The following ABHD2 variants were observed in gnomAD, a reference collection of about 807,000 sequenced individuals.
The protein encoded by ABHD2 is abhydrolase domain containing 2, acylglycerol lipase, also known as monoacylglycerol lipase ABHD2.
A neutral mutation model predicts 48.1 loss-of-function variants in ABHD2; 20 were observed. That is an observed-to-expected ratio of 0.42 (90% CI 0.29 to 0.60). The LOEUF (loss-of-function observed/expected upper bound fraction) is 0.60. ABHD2 is among the 20% of genes least tolerant of loss of function. ABHD2 has a pLI of 0.24. For missense variants in ABHD2, 405 were observed against 550.9 expected, an observed-to-expected ratio of 0.74 and a Z score of 2.65; for synonymous variants, 209 against 214.2, an observed-to-expected ratio of 0.98 and a Z score of 0.21.
chr15:89,154,280 A>G (rs1432675933), intron 4 of ABHD2, among the ~76,000 whole-genome samples: 1 of 152,232 alleles, frequency 6.6e-6, no homozygotes, highest in Non-Finnish European at 1.5e-5. Flanking sequence ...TTCTTTATGC[A>G]TATTGGAAAA....
chr15:89,135,554 C>G (rs2050294635), intron 3 of ABHD2: 1 of 1,446,342 alleles, frequency 6.9e-7, no homozygotes, highest in Admixed American at 1.8e-5. Context: ...TATTCATCAT[C>G]ATCTTCATCT....
intron 5 of ABHD2, among the ~76,000 whole-genome samples, chr15:89,165,112 A>T (rs2050818192): frequency 6.6e-6 from 1 of 152,182 alleles, no homozygotes; most frequent in Non-Finnish European, 1.5e-5. Context: ...ATTATTCTGC[A>T]GTATGCAATG....
intron 5 of ABHD2, among the ~76,000 whole-genome samples, chr15:89,157,050 ACT>A (rs1473822998): frequency 6.6e-6 from 1 of 152,092 alleles, no homozygotes; most frequent in African/African-American, 2.4e-5. Flanking sequence ...TATTTAAATA[ACT>A]CTATATTCAC....
chr15:89,120,550 A>G lies in ABHD2; in HGVS notation c.194+4029A>G, dbSNP rs764627704. On this transcript the variant is annotated intron_variant, in intron 3 of 10. Coordinates refer to ENST00000352732, the MANE Select transcript of ABHD2 (RefSeq NM_152924.5). The surrounding 1 kb of genome is among the most constrained non-coding windows in gnomAD (Gnocchi z 4.2). ...GCTGGAGTACAGTGGCGCAATCTCA[A>G]ATCTCGGTTCACTGCAACTTCTGCC... Among the ~76,000 whole-genome samples the G allele has an allele frequency of 9.9e-5, 15 of 152,018 alleles. No individual in the cohort carries two copies. The highest frequency in any genetic ancestry group is 1.9e-4 in the Non-Finnish European group (13 of 67,990).
In ABHD2 at chr15:89,186,607, G is replaced by C. The variant is rs953355801; in HGVS notation, c.815+1091G>C. On this transcript the variant is annotated intron_variant, in intron 7 of 10. Transcript: ENST00000352732. The surrounding 1 kb of genome is among the most constrained non-coding windows in gnomAD (Gnocchi z 4.3). Reference sequence around the variant, plus strand: ...GTGAAGCCAACTCATCCATGCCCAAGTTGCTTTTCTTTTGCTTCCCCTCTG... The same window carrying C: ...GTGAAGCCAACTCATCCATGCCCAACTTGCTTTTCTTTTGCTTCCCCTCTG... 1.7e-4 allele frequency among the ~76,000 whole-genome samples: 26 copies of C among 152,086 alleles called. No homozygotes were observed. Among genetic ancestry groups the C allele is most frequent in the African/African-American group, 6.3e-4 (26 of 41,402 alleles).
chr15:89,046,649 T>C, the ABHD2 span, among the ~76,000 whole-genome samples: 1 of 152,210 alleles, frequency 6.6e-6, no homozygotes, highest in African/African-American at 2.4e-5. Context: ...TCGAGGAATT[T>C]ATCCATTTCT....
At chr15:89,135,511 T>C (rs2050293602) in intron 3 of ABHD2, 2 of 1,078,952 alleles carry the variant, frequency 1.9e-6, no homozygotes, top group African/African-American at 1.5e-5. Flanking sequence ...AAATGCTTTA[T>C]AGACGAGAAA....
At chr15:89,052,724 G>A in the ABHD2 span, among the ~76,000 whole-genome samples, 1 of 152,082 alleles carries the variant, frequency 6.6e-6, no homozygotes. Flanking sequence ...TCACAGGGAG[G>A]CCATCCAGCC....
chr15:89,096,144 T>C (rs948664450), intron 1 of ABHD2, among the ~76,000 whole-genome samples: 1 of 152,204 alleles, frequency 6.6e-6, no homozygotes, highest in Admixed American at 6.5e-5. Context: ...GCTCTCGGGA[T>C]CCATAGAACC....
At chr15:89,129,716 C>T (rs62020261) in intron 3 of ABHD2, among the ~76,000 whole-genome samples, 5,718 of 151,974 alleles carry the variant, frequency 0.038, 163 homozygotes, top group Non-Finnish European at 0.058. Flanking sequence ...CCAGTGGCTT[C>T]ACCTTGCCGA....
At chr15:89,042,148 A>G in the ABHD2 span, among the ~76,000 whole-genome samples, 3 of 152,174 alleles carry the variant, frequency 2.0e-5, no homozygotes. Flanking sequence ...TCTCCACATC[A>G]TAGCTGAGGA....
Position 89,185,360 on chromosome 15 carries a change from C to T in ABHD2, c.723-64C>T. On this transcript the variant is annotated intron_variant, in intron 6 of 10. Coordinates refer to ENST00000352732, the MANE Select transcript of ABHD2 (RefSeq NM_152924.5). The surrounding 1 kb of genome is among the most constrained non-coding windows in gnomAD (Gnocchi z 5.9). The stretch of plus-strand genomic sequence containing the variant: ...AGCACCTCACCCCATGGCTAGAGCC[C>T]CCTCCTGGCTGCCCGCCTGCACCCC... 7.4e-7 allele frequency: 1 copy of T among 1,356,226 alleles called. No homozygotes were observed. The highest frequency in any genetic ancestry group is 1.1e-6 in the Non-Finnish European group (1 of 950,944). 84.0% of individuals were successfully genotyped at this position (1,356,226 alleles called of 1,614,324 possible). A position where few individuals can be genotyped will look rare whatever the true frequency, so the allele number is the denominator to read the frequency against.
At chr15:89,060,083 C>CTTTT in the ABHD2 span, among the ~76,000 whole-genome samples, 33 of 77,602 alleles carry the variant, frequency 4.3e-4, no homozygotes, top group African/African-American at 1.2e-3. Flanking sequence ...ACTCCAAGGC[C>CTTTT]TTTTTTTTTT....
the ABHD2 span, among the ~76,000 whole-genome samples, chr15:89,043,035 C>G: frequency 6.6e-6 from 1 of 151,978 alleles, no homozygotes; most frequent in African/African-American, 2.4e-5. Context: ...CACGGCTTGC[C>G]GTAATCTGCT....
the ABHD2 span, among the ~76,000 whole-genome samples, chr15:89,048,436 C>T: frequency 2.0e-5 from 3 of 150,438 alleles, no homozygotes; most frequent in Non-Finnish European, 3.0e-5. Context: ...TGAATCTGAA[C>T]GTTGGCCTGC....
rs2050065072 is a variant in ABHD2 at position 89,122,339 on chromosome 15, G to C, written c.194+5818G>C. Among the ~76,000 whole-genome samples the C allele has an allele frequency of 2.0e-5, 3 of 152,146 alleles. No homozygotes were observed. The South Asian group carries it at 6.2e-4, about 32-fold the overall frequency. ...CCCCAAATCAAGAGCCGCATACCTGGGGAGACAGAACAGGATTCCTGGTGG... is the reference window on the plus strand; with the variant it reads ...CCCCAAATCAAGAGCCGCATACCTGCGGAGACAGAACAGGATTCCTGGTGG... On this transcript the variant is annotated intron_variant, in intron 3 of 10. Transcript: ENST00000352732.
At chr15:89,098,265 A>G (rs1016100324) in intron 1 of ABHD2, among the ~76,000 whole-genome samples, 2 of 152,182 alleles carry the variant, frequency 1.3e-5, no homozygotes, top group Admixed American at 6.6e-5. Flanking sequence ...ATTTCCTAAA[A>G]ATTGAGGGAC....
the ABHD2 span, among the ~76,000 whole-genome samples, chr15:89,042,837 T>C: frequency 6.6e-6 from 1 of 151,752 alleles, no homozygotes; most frequent in Non-Finnish European, 1.5e-5. Flanking sequence ...TTTTTCTTTT[T>C]TTGCATTTTT....
At chr15:89,052,884 C>G in the ABHD2 span, among the ~76,000 whole-genome samples, 4 of 152,016 alleles carry the variant, frequency 2.6e-5, no homozygotes, top group African/African-American at 9.7e-5. Context: ...TTTGTCTTCT[C>G]TAGGAAATTC....
Sources: allele counts gnomAD v4.1 joint callset (sites outside exome capture counted in the v4.1 genomes callset), GRCh38; gene constraint gnomAD v4.1.1; non-coding constraint Gnocchi (gnomAD v3.1); transcripts MANE v1.5; gene names NCBI Gene and HGNC (gene_info 2026-07-23, HGNC 2026-07-21).